The following MN1 variants were observed in gnomAD, a reference collection of about 807,000 sequenced individuals.
MN1 encodes the protein MN1 proto-oncogene, transcriptional regulator.
MN1 carries 19 observed loss-of-function variants against 86.9 expected under a neutral mutation model. That is an observed-to-expected ratio of 0.22 (90% CI 0.15 to 0.32). The LOEUF is 0.32. Among genes scored for constraint, MN1 ranks in the 10% least tolerant of loss-of-function variants. The pLI is 1.00. For missense variants in MN1, 1,841 were observed against 1,862.0 expected, an observed-to-expected ratio of 0.99 and a Z score of 0.21; for synonymous variants, 928 against 849.6, an observed-to-expected ratio of 1.09 and a Z score of -1.60.
chr22:27,793,236 G>A (rs1238408256), intron 1 of MN1, among the ~76,000 whole-genome samples: 1 of 152,084 alleles, frequency 6.6e-6, no homozygotes, highest in Non-Finnish European at 1.5e-5. Context: ...GGGCAGGAGG[G>A]GAGAAAACGT....
rs1021696020 is a variant in MN1 at position 27,748,381 on chromosome 22, A to G, written c.*2534T>C. The G allele has an allele frequency of 1.1e-5, 2 of 181,154 alleles. No individual in the cohort carries two copies. The highest frequency in any genetic ancestry group is 2.4e-5 in the Non-Finnish European group (2 of 85,050). The allele number at this position is 181,154 out of a possible 1,614,324, so 11.2% of individuals were successfully genotyped here. A position where few individuals can be genotyped will look rare whatever the true frequency, so the allele number is the denominator to read the frequency against. Reference sequence around the variant, plus strand: ...AAGACTGCACTTTACATATTTTTTTAAAAAAGAAAGAAAAAAATAACACTC... The same window carrying G: ...AAGACTGCACTTTACATATTTTTTTGAAAAAGAAAGAAAAAAATAACACTC... On this transcript the variant is annotated 3_prime_UTR_variant, in exon 2 of 2. Transcript: ENST00000302326.
chr22:27,797,407 G>T lies in MN1; in HGVS notation c.3137C>A (p.Ser1046Ter). The change falls in exon 1 of 2, where the codon TCG becomes TAG. Residue 1046 changes from serine to a stop codon, truncating the protein, a stop_gained. Transcript: ENST00000302326. LOFTEE classifies it high-confidence loss of function. ...SSSPNVGEFA[S>*]DEVSTSYANE... Reference sequence around the variant, plus strand: ...GGCGTAGCTCGTGCTCACCTCGTCCGAGGCGAACTCACCCACGTTTGGCGA... The same window carrying T: ...GGCGTAGCTCGTGCTCACCTCGTCCTAGGCGAACTCACCCACGTTTGGCGA... 1 of 1,611,760 alleles carries T rather than the reference G, an allele frequency of 6.2e-7. No homozygotes were observed.
rs1932727753 is a variant in MN1, at chr22:27,748,890, T to A, written c.*2025A>T. 1 of 228,384 alleles carries A rather than the reference T, an allele frequency of 4.4e-6. No individual in the cohort carries two copies. The highest frequency in any genetic ancestry group is 2.2e-5 in the African/African-American group (1 of 45,048). 14.1% of individuals were successfully genotyped at this position (228,384 alleles called of 1,614,324 possible). On this transcript the variant is annotated 3_prime_UTR_variant, in exon 2 of 2. Transcript: ENST00000302326. Reference sequence around the variant, plus strand: ...CATTCCTGTTTCAAAAGTAAAATGATGAGGCTCTCAAACAGCTGTACACTG... The same window carrying A: ...CATTCCTGTTTCAAAAGTAAAATGAAGAGGCTCTCAAACAGCTGTACACTG...
rs749628293 is a variant in MN1, at chr22:27,796,787, G to T, written c.3757C>A (p.Pro1253Thr). 5 of 1,604,802 alleles carry T rather than the reference G, an allele frequency of 3.1e-6. No homozygotes were observed. The highest frequency in any genetic ancestry group is 4.2e-6 in the Non-Finnish European group (5 of 1,178,498). ...KTLAPWEKAK[P>T]QNPNSKEAHD... ...CCTTCTTTGCTGTTGGGGTTCTGGG[G>T]TTTGGCCTTCTCCCAGGGCGCCAAC... is the stretch of plus-strand genomic sequence containing the variant. The change falls in exon 1 of 2, where the codon CCC becomes ACC. Residue 1253 changes from proline to threonine, a missense_variant. Transcript: ENST00000302326.
Position 27,801,256 on chromosome 22 carries a change from C to T in MN1, c.-713G>A. 4.5e-6 allele frequency: 1 copy of T among 221,518 alleles called. No individual in the cohort carries two copies. The highest frequency in any genetic ancestry group is 6.3e-5 in the East Asian group (1 of 15,758). 13.7% of individuals were successfully genotyped at this position (221,518 alleles called of 1,614,324 possible). ...CCCCCGAGCCGAGGACGCAGAGGGG[C>T]TGCGAGGCGGCAGGCGCCGGGGGCT... is the stretch of plus-strand genomic sequence containing the variant. On this transcript the variant is annotated 5_prime_UTR_variant, in exon 1 of 2. Transcript: ENST00000302326.
chr22:27,786,288 T>C (rs1356157041), intron 1 of MN1, among the ~76,000 whole-genome samples: 1 of 152,210 alleles, frequency 6.6e-6, no homozygotes. Context: ...AAATGACACA[T>C]GCTCCCCTTT....
intron 1 of MN1, among the ~76,000 whole-genome samples, chr22:27,773,398 G>A (rs987481559): frequency 1.3e-5 from 2 of 152,222 alleles, no homozygotes; most frequent in African/African-American, 2.4e-5. Context: ...GCAGGCCAGC[G>A]AGGGGAGAAT....
intron 1 of MN1, 96 bp downstream of exon 1, chr22:27,796,667 C>T: frequency 1.5e-6 from 2 of 1,326,870 alleles, no homozygotes; most frequent in Non-Finnish European, 1.0e-6. Context: ...TTGTGCCCTC[C>T]AAACCTCAAA....
At chr22:27,756,497 C>T (rs975678119) in intron 1 of MN1, among the ~76,000 whole-genome samples, 1 of 152,126 alleles carries the variant, frequency 6.6e-6, no homozygotes, top group African/African-American at 2.4e-5. Context: ...CCACCTCCTG[C>T]CCCGCTGCCT....
At chr22:27,778,422 C>T (rs1933007693) in intron 1 of MN1, among the ~76,000 whole-genome samples, 2 of 152,248 alleles carry the variant, frequency 1.3e-5, no homozygotes, top group African/African-American at 4.8e-5. Context: ...TGAGCCATCC[C>T]ACAGGGGGAC....
Position 27,750,969 on chromosome 22 carries a change from G to C in MN1, c.3909C>G (p.Ser1303=), listed in dbSNP as rs761957381. 1.9e-6 allele frequency: 3 copies of C among 1,612,452 alleles called. No individual in the cohort carries two copies. The highest frequency in any genetic ancestry group is 1.7e-4 in the Middle Eastern group (1 of 6,054). Reference sequence around the variant, plus strand: ...ATCTGTTGGAGATGTCAGAATGCAGGGACCGCCAGGTGGGCACGGAGGCTC... The same window carrying C: ...ATCTGTTGGAGATGTCAGAATGCAGCGACCGCCAGGTGGGCACGGAGGCTC... The part of the protein sequence containing the change: ...KARASVPTWR[S]LHSDISNRFG... The change falls in exon 2 of 2, where the codon TCC becomes TCG. Residue 1303 remains serine, a synonymous_variant. Coordinates refer to ENST00000302326, the MANE Select transcript of MN1 (RefSeq NM_002430.3).
chr22:27,793,994 GA>G (rs899852914), intron 1 of MN1, among the ~76,000 whole-genome samples: 7 of 151,000 alleles, frequency 4.6e-5, no homozygotes, highest in Non-Finnish European at 7.4e-5. Context: ...AAGGGGAGTA[GA>G]AAAAAAAATG....
At chr22:27,773,156 G>A (rs1329212232) in intron 1 of MN1, among the ~76,000 whole-genome samples, 2 of 150,710 alleles carry the variant, frequency 1.3e-5, no homozygotes, top group Non-Finnish European at 3.0e-5. Context: ...AGGCTCCCCC[G>A]AGACACCAAG....
At chr22:27,783,089 G>T (rs1039424125) in intron 1 of MN1, among the ~76,000 whole-genome samples, 35 of 151,852 alleles carry the variant, frequency 2.3e-4, no homozygotes, top group African/African-American at 8.5e-4. Flanking sequence ...AGGGAACAAG[G>T]GTTGCCATCA....
chr22:27,781,774 G>C (rs1933056620), intron 1 of MN1, among the ~76,000 whole-genome samples: 1 of 152,106 alleles, frequency 6.6e-6, no homozygotes, highest in African/African-American at 2.4e-5. Flanking sequence ...GAGTGGCAGA[G>C]CCAGGATTCG....
In MN1 at chr22:27,796,950, C is replaced by A; in HGVS notation, c.3594G>T (p.Glu1198Asp). Residue 1198 changes from glutamate (E) to aspartate (D), a missense_variant, in exon 1 of 2, where the codon GAG becomes GAT. Transcript: ENST00000302326. ...GASGAQNGDS[E>D]LGSCCSEAVK... ...CCGCCTCGGAGCAGCAGCTGCCCAG[C>A]TCGCTGTCGCCATTCTGCGCCCCTG... 6.2e-7 allele frequency: 1 copy of A among 1,612,404 alleles called. No individual in the cohort carries two copies. Among genetic ancestry groups the A allele is most frequent in the Non-Finnish European group, 8.5e-7 (1 of 1,179,798 alleles).
At chr22:27,789,304 T>A in intron 1 of MN1, among the ~76,000 whole-genome samples, 1 of 152,224 alleles carries the variant, frequency 6.6e-6, no homozygotes, top group East Asian at 1.9e-4. Context: ...GTCTCCCTGT[T>A]TCCCTAAACT....
intron 1 of MN1, among the ~76,000 whole-genome samples, chr22:27,789,032 C>T (rs989085741): frequency 5.9e-5 from 9 of 152,138 alleles, no homozygotes; most frequent in Non-Finnish European, 8.8e-5. Flanking sequence ...AATGCATCAA[C>T]GGGCCACTTA....
rs45537033 is a variant in MN1 at position 27,792,653 on chromosome 22, C to T, written c.3781+4110G>A. Reference sequence around the variant, plus strand: ...TATCCAGGGAGCAGGGAGGCCCAAACGTCAGCTGCACAAAGGGGGCCCTAT... The same window carrying T: ...TATCCAGGGAGCAGGGAGGCCCAAATGTCAGCTGCACAAAGGGGGCCCTAT... On this transcript the variant is annotated intron_variant, in intron 1 of 1. Coordinates refer to ENST00000302326, the MANE Select transcript of MN1 (RefSeq NM_002430.3). Among the ~76,000 whole-genome samples, 1,125 of 152,122 alleles carry T rather than the reference C, an allele frequency of 7.4e-3. 21 individuals carry two copies. Among genetic ancestry groups the T allele is most frequent in the African/African-American group, 0.026 (1,069 of 41,502 alleles).
Sources: allele counts gnomAD v4.1 joint callset (sites outside exome capture counted in the v4.1 genomes callset), GRCh38; gene constraint gnomAD v4.1.1; transcripts MANE v1.5; gene names NCBI Gene and HGNC (gene_info 2026-07-23, HGNC 2026-07-21).